Variants in ATXN1 observed in about 807,000 individuals in gnomAD.
ATXN1 encodes the protein ataxin-1.
ATXN1 carries 8 observed loss-of-function variants against 56.4 expected under a neutral mutation model. The observed-to-expected ratio is 0.14, with a 90% CI of 0.08 to 0.26. ATXN1 has a LOEUF of 0.26. Among genes scored for constraint, ATXN1 ranks in the 10% least tolerant of loss-of-function variants. ATXN1 has a pLI of 1.00. For missense variants in ATXN1, 987 were observed against 1,106.5 expected (o/e 0.89, Z 1.53); for synonymous variants, 514 against 494.6 (o/e 1.04, Z -0.52).
intron 5 of ATXN1, among the ~76,000 whole-genome samples, chr6:16,512,111 G>C (rs2671403): frequency 0.58 from 88,077 of 151,808 alleles, 25,930 homozygotes; most frequent in East Asian, 0.87. Flanking sequence ...AGGCCTCCCC[G>C]CCTCCATTCA....
chr6:16,564,399 G>A (rs1762176787), intron 4 of ATXN1, among the ~76,000 whole-genome samples: 1 of 152,094 alleles, frequency 6.6e-6, no homozygotes, highest in African/African-American at 2.4e-5. Context: ...ACAAAAACTT[G>A]GAAAGGAATG....
intron 4 of ATXN1, among the ~76,000 whole-genome samples, chr6:16,581,216 T>TGCGC (rs1561765322): frequency 7.4e-6 from 1 of 134,828 alleles, no homozygotes; most frequent in African/African-American, 3.2e-5. Flanking sequence ...TGTGTGTGTG[T>TGCGC]GTGTGTGTGC....
intron 4 of ATXN1, among the ~76,000 whole-genome samples, chr6:16,569,212 G>A (rs1470619171): frequency 6.6e-6 from 1 of 152,082 alleles, no homozygotes; most frequent in Non-Finnish European, 1.5e-5. Context: ...AGACCCGGGT[G>A]GTTTAAAAGA....
chr6:16,452,614 T>C (rs780431573), intron 6 of ATXN1, among the ~76,000 whole-genome samples: 78 of 152,198 alleles, frequency 5.1e-4, no homozygotes, highest in Non-Finnish European at 1.0e-3. Context: ...CTGATTTTTT[T>C]CCCACTCTCA....
chr6:16,732,427 C>A (rs774335490), intron 2 of ATXN1, among the ~76,000 whole-genome samples: 5 of 152,080 alleles, frequency 3.3e-5, no homozygotes, highest in African/African-American at 1.2e-4. Flanking sequence ...AAAAATTAAC[C>A]AGGCGTGCTA....
At chr6:16,508,721 A>C (rs1371504905) in intron 5 of ATXN1, among the ~76,000 whole-genome samples, 3 of 152,208 alleles carry the variant, frequency 2.0e-5, no homozygotes, top group Non-Finnish European at 4.4e-5. Flanking sequence ...AGCAGTTCAT[A>C]AAAAATTTAA....
At chr6:16,634,055 T>C (rs143147048) in intron 3 of ATXN1, among the ~76,000 whole-genome samples, 44 of 152,320 alleles carry the variant, frequency 2.9e-4, no homozygotes, top group Admixed American at 1.0e-3. Flanking sequence ...AACAAACCTA[T>C]TAGATGTCTG....
At position 16,568,052 on chromosome 6, in the gene ATXN1, C is replaced by T. The variant is rs552078714; in HGVS notation, c.-361+17728G>A. On this transcript the variant is annotated intron_variant, in intron 4 of 7. Coordinates refer to ENST00000436367, the MANE Select transcript of ATXN1 (RefSeq NM_001128164.2). ...AAAAACCAACACAGTAATTATATTG[C>T]AAAGATATCTGACAACCCAGAGTAA... 8.4e-4 allele frequency among the ~76,000 whole-genome samples: 128 copies of T among 152,224 alleles called. 1 individual carries two copies. Among genetic ancestry groups the T allele is most frequent in the African/African-American group, 2.8e-3 (116 of 41,544 alleles).
chr6:16,692,033 G>A (rs533293576), intron 2 of ATXN1, among the ~76,000 whole-genome samples: 3 of 152,316 alleles, frequency 2.0e-5, no homozygotes, highest in South Asian at 2.1e-4. Context: ...GGAGGCCGAG[G>A]CGGGCAGATC....
intron 2 of ATXN1, among the ~76,000 whole-genome samples, chr6:16,686,825 C>T (rs1758928800): frequency 6.6e-6 from 1 of 152,124 alleles, no homozygotes; most frequent in Non-Finnish European, 1.5e-5. Flanking sequence ...TGAGAACCTC[C>T]TTTGTGGCCA....
chr6:16,649,492 T>TA (rs1366234554), intron 3 of ATXN1, among the ~76,000 whole-genome samples: 1 of 152,142 alleles, frequency 6.6e-6, no homozygotes, highest in Non-Finnish European at 1.5e-5. Flanking sequence ...TAAAACAGTT[T>TA]AAAAAAATGG....
chr6:16,605,720 C>G (rs1304821542), intron 3 of ATXN1, among the ~76,000 whole-genome samples: 4 of 152,068 alleles, frequency 2.6e-5, no homozygotes, highest in African/African-American at 9.7e-5. Context: ...TAGAAAAATG[C>G]AGGTTATTCA....
chr6:16,515,848 C>T (rs1761172570), intron 5 of ATXN1, among the ~76,000 whole-genome samples: 1 of 152,144 alleles, frequency 6.6e-6, no homozygotes, highest in Non-Finnish European at 1.5e-5. Flanking sequence ...GGTCCATACA[C>T]CTGGGATGGA....
intron 6 of ATXN1, among the ~76,000 whole-genome samples, chr6:16,375,892 A>T (rs984345225): frequency 2.6e-5 from 4 of 152,252 alleles, no homozygotes; most frequent in Admixed American, 6.5e-5. Context: ...GGCAGGGGGA[A>T]GTCTGATAAA....
chr6:16,749,907 T>A (rs1325553468), intron 2 of ATXN1: 4 of 152,390 alleles, frequency 2.6e-5, no homozygotes, highest in Non-Finnish European at 5.9e-5. Context: ...TACTGTCTGC[T>A]CGAATCCAGA....
intron 2 of ATXN1, among the ~76,000 whole-genome samples, chr6:16,714,739 T>C (rs916878347): frequency 2.6e-5 from 4 of 152,176 alleles, no homozygotes; most frequent in African/African-American, 9.6e-5. Flanking sequence ...AAAAAGATAC[T>C]CATGCTGTAA....
chr6:16,500,738 T>TAA (rs1167731131), intron 5 of ATXN1, among the ~76,000 whole-genome samples: 2,421 of 84,388 alleles, frequency 0.029, 61 homozygotes, highest in African/African-American at 0.065. Flanking sequence ...TTCATTATGA[T>TAA]AAAAAAAAAA....
intron 2 of ATXN1, among the ~76,000 whole-genome samples, chr6:16,735,666 G>T (rs1371686923): frequency 6.6e-6 from 1 of 152,112 alleles, no homozygotes; most frequent in African/African-American, 2.4e-5. Flanking sequence ...TCACCTGTAG[G>T]TGTACTCAGA....
At chr6:16,586,595 C>T (rs1174962717) in intron 3 of ATXN1, among the ~76,000 whole-genome samples, 2 of 152,206 alleles carry the variant, frequency 1.3e-5, no homozygotes. Flanking sequence ...AGAAAACTGA[C>T]AGTAAATACA....
Sources: allele counts gnomAD v4.1 joint callset (sites outside exome capture counted in the v4.1 genomes callset), GRCh38; gene constraint gnomAD v4.1.1; transcripts MANE v1.5; gene names NCBI Gene and HGNC (gene_info 2026-07-23, HGNC 2026-07-21).